Variants in APOB observed in about 807,000 individuals in gnomAD.
APOB encodes apolipoprotein B-100.
Under a neutral mutation model 314.1 loss-of-function variants are expected in APOB, and 153 were observed. The observed-to-expected ratio is 0.49, with a 90% CI of 0.43 to 0.56. The LOEUF is 0.56. Ranked by LOEUF, APOB falls within the 20% of genes least tolerant of loss-of-function variation. The pLI is 0.00. For synonymous variants in APOB, 2,087 were observed against 2,036.4 expected (o/e 1.02, Z -0.67); for missense variants, 5,430 against 5,350.7 (o/e 1.01, Z -0.46).
chr2:21,040,767 T>G (rs531819), intron 4 of APOB, among the ~76,000 whole-genome samples, 171 bp downstream of exon 4: 126,982 of 152,244 alleles, frequency 0.83, 53,175 homozygotes, highest in East Asian at 1. Flanking sequence ...CTAGGGAAGG[T>G]TAACTAATGC....
chr2:21,026,252 C>CA (rs1553385838), intron 15 of APOB, among the ~76,000 whole-genome samples: 2 of 145,526 alleles, frequency 1.4e-5, no homozygotes, highest in African/African-American at 5.0e-5. Context: ...AGAGTTCATA[C>CA]TTTTTTTTTT....
chr2:21,015,043 G>A (rs930196719), intron 23 of APOB, 30 bp downstream of exon 23: 2 of 1,597,402 alleles, frequency 1.3e-6, no homozygotes, highest in Non-Finnish European at 1.7e-6. Context: ...TTATATCCAT[G>A]TATTTATTGA....
At chr2:21,025,948 G>C (rs1054562046) in intron 15 of APOB, among the ~76,000 whole-genome samples, 46 of 152,306 alleles carry the variant, frequency 3.0e-4, no homozygotes, top group African/African-American at 1.1e-3. Flanking sequence ...TGGAAGTTTG[G>C]TCTCATTTGC....
rs1252205086 is a variant in APOB, at chr2:21,005,821, T to C, written c.11047A>G (p.Ser3683Gly). 6.2e-7 allele frequency: 1 copy of C among 1,614,036 alleles called. No individual in the cohort carries two copies. Among genetic ancestry groups the C allele is most frequent in the South Asian group, 1.1e-5 (1 of 91,074 alleles). Residue 3683 changes from serine to glycine, a missense_variant, in exon 26 of 29, where the codon AGC becomes GGC. This residue lies in a region of APOB where 3,281 missense variants were observed against 3,171.0 expected (regional missense o/e 1.03). Coordinates refer to ENST00000233242, the MANE Select transcript of APOB (RefSeq NM_000384.3). ...KNIILPVYDKSLWDFLKLDVT... is the reference protein window; with the variant it reads ...KNIILPVYDKGLWDFLKLDVT... The stretch of plus-strand genomic sequence containing the variant: ...TCCAGCTTTAGGAAATCCCATAAGC[T>C]CTTGTCATAGACTGGTAGGATGATA...
chr2:21,005,342 T>A lies in APOB; in HGVS notation c.11526A>T (p.Ala3842=). 6.2e-7 allele frequency: 1 copy of A among 1,614,114 alleles called. No homozygotes were observed. Among genetic ancestry groups the A allele is most frequent in the Non-Finnish European group, 8.5e-7 (1 of 1,179,974 alleles). Reference sequence around the variant, plus strand: ...CAAAGTCTGCGATCTTGTTGGCTACTGCATTTAGATCCAAAGCAGCAATGC... The same window carrying A: ...CAAAGTCTGCGATCTTGTTGGCTACAGCATTTAGATCCAAAGCAGCAATGC... ...SDGIAALDLN[A]VANKIADFEL... Residue 3842 remains alanine, a synonymous_variant, in exon 26 of 29, where the codon GCA becomes GCT. Transcript: ENST00000233242.
intron 28 of APOB, 52 bp downstream of exon 28, chr2:21,004,217 C>G: frequency 6.3e-7 from 1 of 1,593,054 alleles, no homozygotes; most frequent in Non-Finnish European, 8.6e-7. Flanking sequence ...ATGTATCTGC[C>G]CCAATTCTCC....
At position 21,013,190 on chromosome 2, in the gene APOB, CAG is replaced by C; in HGVS notation, c.4184_4185del (p.Ser1395CysfsTer3). 1 of 1,614,138 alleles carries C rather than the reference CAG, an allele frequency of 6.2e-7. No individual in the cohort carries two copies. Among genetic ancestry groups the C allele is most frequent in the Non-Finnish European group, 8.5e-7 (1 of 1,180,016 alleles). ...LRARYHMKAD[S>X]VVDLLSYNVQ... ...ACATTGTAGGAAAGCAGGTCAACCA[CAG>C]AGTCAGCCTTCATGTGGTAACGAGC... On this transcript the variant is annotated frameshift_variant, in exon 25 of 29. Coordinates refer to ENST00000233242, the MANE Select transcript of APOB (RefSeq NM_000384.3). LOFTEE classifies it high-confidence loss of function.
At chr2:21,037,045 G>A (rs183610203) in intron 6 of APOB, 55 bp downstream of exon 6, 2 of 1,610,098 alleles carry the variant, frequency 1.2e-6, no homozygotes, top group Non-Finnish European at 1.7e-6. Context: ...TTCTGGAATT[G>A]TATTAATAAG....
intron 16 of APOB, chr2:21,024,271 A>G (rs1663681568): frequency 6.6e-6 from 1 of 152,528 alleles, no homozygotes; most frequent in East Asian, 1.9e-4. Flanking sequence ...TAGATAGTGA[A>G]TTATAGTTTG....
chr2:21,022,662 TCTAGG>T (rs1411216107), intron 18 of APOB, among the ~76,000 whole-genome samples, 164 bp downstream of exon 18: 8 of 152,202 alleles, frequency 5.3e-5, no homozygotes, highest in African/African-American at 1.9e-4. Flanking sequence ...ATGTAGTAAG[TCTAGG>T]CTAGAATTAA....
Position 21,014,608 on chromosome 2 carries a change from G to A in APOB, c.3697-15C>T, listed in dbSNP as rs975876277. 6 of 1,613,900 alleles carry A rather than the reference G, an allele frequency of 3.7e-6. No individual in the cohort carries two copies. Among genetic ancestry groups the A allele is most frequent in the Non-Finnish European group, 5.1e-6 (6 of 1,179,870 alleles). On this transcript the variant is annotated splice_polypyrimidine_tract_variant and intron_variant, in intron 23 of 28. Coordinates refer to ENST00000233242, the MANE Select transcript of APOB (RefSeq NM_000384.3). The stretch of plus-strand genomic sequence containing the variant: ...GAGCTCATTGCCTACAAAATGACAG[G>A]AGATTTTTAAGGTAATGGGCTTGGA...
Position 21,004,427 on chromosome 2 carries a change from T to G in APOB, c.11929A>C (p.Asn3977His), listed in dbSNP as rs761528809. The G allele has an allele frequency of 2.7e-5, 44 of 1,613,862 alleles. No homozygotes were observed. The highest frequency in any genetic ancestry group is 3.6e-5 in the Non-Finnish European group (43 of 1,179,916). Residue 3977 changes from asparagine to histidine, a missense_variant, in exon 28 of 29, where the codon AAT becomes CAT. Coordinates refer to ENST00000233242, the MANE Select transcript of APOB (RefSeq NM_000384.3). ...TCGGTGAACGCTGGGCTTTTGATAT[T>G]GAGGTGCGCTTTTCCTTCCCATTCC... ...LQEWEGKAHL[N>H]IKSPAFTDLH...
In APOB at chr2:21,029,791, T is replaced by C; in HGVS notation, c.1471-6A>G. On this transcript the variant is annotated splice_polypyrimidine_tract_variant and splice_region_variant and intron_variant, in intron 11 of 28. Transcript: ENST00000233242. The stretch of plus-strand genomic sequence containing the variant: ...TGGCCCATATTTCCAATGACCTGCA[T>C]TGAAGAAAAGAAACAAGAACCCATC... The C allele has an allele frequency of 5.6e-6, 9 of 1,614,014 alleles. No homozygotes were observed. The highest frequency in any genetic ancestry group is 7.6e-6 in the Non-Finnish European group (9 of 1,180,016).
Position 21,033,452 on chromosome 2 carries a change from G to C in APOB, c.971C>G (p.Ala324Gly). ...CAGTTCCTGGAGAGTCTTCAAAACAGCTTCGGCCTGCTTTGGAGGTGATGT... is the reference window on the plus strand; with the variant it reads ...CAGTTCCTGGAGAGTCTTCAAAACACCTTCGGCCTGCTTTGGAGGTGATGT... ...KSTSPPKQAEAVLKTLQELKK... is the reference protein window; with the variant it reads ...KSTSPPKQAEGVLKTLQELKK... The change falls in exon 9 of 29, where the codon GCT (alanine) becomes GGT (glycine). Residue 324 changes from alanine (A) to glycine (G), a missense_variant. Ala to Gly is a moderately conservative substitution (Grantham distance 60). Around this residue, in one of 3 missense-constraint regions of APOB, gnomAD observed 2,085 missense variants for 2,079.7 expected, o/e 1.00. Coordinates refer to ENST00000233242, the MANE Select transcript of APOB (RefSeq NM_000384.3). The C allele has an allele frequency of 6.2e-7, 1 of 1,614,148 alleles. No individual in the cohort carries two copies. Among genetic ancestry groups the C allele is most frequent in the Non-Finnish European group, 8.5e-7 (1 of 1,180,024 alleles).
At position 21,011,044 on chromosome 2, in the gene APOB, A is replaced by G. The variant is rs1166228235; in HGVS notation, c.5824T>C (p.Phe1942Leu). Reference protein sequence around the residue: ...LLKAEPLAFTFSHDYKGSTSH... With the variant: ...LLKAEPLAFTLSHDYKGSTSH... ...GTGGAGCCTTTGTAATCATGAGAGA[A>G]AGTAAATGCCAGAGGTTCTGCTTTC... The change falls in exon 26 of 29, where the codon TTC (phenylalanine) becomes CTC (leucine). Residue 1942 changes from phenylalanine to leucine, a missense_variant. Coordinates refer to ENST00000233242, the MANE Select transcript of APOB (RefSeq NM_000384.3). The G allele has an allele frequency of 6.2e-7, 1 of 1,614,190 alleles. No homozygotes were observed. The highest frequency in any genetic ancestry group is 1.1e-5 in the South Asian group (1 of 91,076).
In APOB at chr2:21,006,939, G is replaced by A; in HGVS notation, c.9929C>T (p.Pro3310Leu). 1 of 1,614,068 alleles carries A rather than the reference G, an allele frequency of 6.2e-7. No homozygotes were observed. The highest frequency in any genetic ancestry group is 1.7e-5 in the Admixed American group (1 of 60,014). ...TGGAAGAGAAAGCTTGAGATTTCTA[G>A]GGACATGAAGGACTGGCAGCTCTAA... ...PSLELPVLHV[P>L]RNLKLSLPDF... The change falls in exon 26 of 29, where the codon CCT (proline) becomes CTT (leucine). Residue 3310 changes from proline to leucine, a missense_variant. Around this residue, in one of 3 missense-constraint regions of APOB, gnomAD observed 3,281 missense variants for 3,171.0 expected, o/e 1.03. Transcript: ENST00000233242.
At chr2:21,012,902 C>T (rs377299691) in intron 25 of APOB, among the ~76,000 whole-genome samples, 3 of 152,222 alleles carry the variant, frequency 2.0e-5, no homozygotes, top group East Asian at 1.9e-4. Flanking sequence ...TTATATACTA[C>T]ACTTTATCAT....
chr2:21,038,780 G>A (rs1243549298), intron 4 of APOB, among the ~76,000 whole-genome samples: 1 of 152,176 alleles, frequency 6.6e-6, no homozygotes, highest in East Asian at 1.9e-4. Flanking sequence ...GTAAACATGG[G>A]TGAGTGCAAA....
Position 21,006,385 on chromosome 2 carries a change from A to T in APOB, c.10483T>A (p.Ser3495Thr), listed in dbSNP as rs535977033. Residue 3495 changes from serine to threonine, a missense_variant, in exon 26 of 29, where the codon TCT becomes ACT. Around this residue, in one of 3 missense-constraint regions of APOB, gnomAD observed 3,281 missense variants for 3,171.0 expected, o/e 1.03. Transcript: ENST00000233242. ...GAACCCTTGACATCTCCTTTGGTAG[A>T]TGACTCAATGGAAAAGTAAGAGGTG... ...SLTSYFSIES[S>T]TKGDVKGSVL... 9.3e-6 allele frequency: 15 copies of T among 1,614,060 alleles called. No individual in the cohort carries two copies. In the African/African-American group the frequency reaches 1.3e-4, roughly 14 times the overall value.
Sources: gnomAD v4.1 joint callset for allele counts (sites outside exome capture counted in the v4.1 genomes callset) on GRCh38, gnomAD v4.1.1 for gene constraint, gnomAD v4.1.1 regional missense constraint, MANE v1.5 for transcripts, NCBI Gene and HGNC (gene_info 2026-07-23, HGNC 2026-07-21) for gene names.